Variants in LRRC8B observed in about 807,000 individuals in gnomAD.
The protein encoded by LRRC8B is leucine rich repeat containing 8 VRAC subunit B.
Under a neutral mutation model 58.8 loss-of-function variants are expected in LRRC8B, and 23 were observed. The observed-to-expected ratio is 0.39, with a 90% confidence interval of 0.28 to 0.55. LRRC8B has a LOEUF of 0.55. Ranked by LOEUF, LRRC8B falls within the 20% of genes least tolerant of loss-of-function variation. The pLI, the probability that LRRC8B is intolerant of heterozygous loss-of-function variation, is 0.62. For missense variants in LRRC8B, 694 were observed against 936.0 expected (o/e 0.74, Z 3.37); for synonymous variants, 359 against 374.1 (o/e 0.96, Z 0.47).
At position 89,543,588 on chromosome 1, in the gene LRRC8B, C is replaced by T. The variant is rs887732342; in HGVS notation, c.-241+18566C>T. On this transcript the variant is annotated intron_variant, in intron 1 of 5. Transcript: ENST00000330947. ...TCAGCTCACTGCAACCTCTGCCTCC[C>T]GGGTTCAAGTGATTCTCCTGCCTCA... Among the ~76,000 whole-genome samples the T allele has an allele frequency of 1.4e-4, 21 of 152,050 alleles. No homozygotes were observed. In the East Asian group the frequency reaches 1.5e-3, roughly 11 times the overall value.
chr1:89,549,178 C>T (rs1057274329), intron 1 of LRRC8B, among the ~76,000 whole-genome samples: 4 of 152,240 alleles, frequency 2.6e-5, no homozygotes, highest in Admixed American at 1.3e-4. Context: ...GTACATTAAA[C>T]GGAGACAGAT....
intron 1 of LRRC8B, among the ~76,000 whole-genome samples, chr1:89,538,776 A>G (rs1421494729): frequency 1.3e-5 from 2 of 152,108 alleles, no homozygotes; most frequent in Non-Finnish European, 2.9e-5. Context: ...GCTGGAATGC[A>G]GTGACATGAT....
intron 1 of LRRC8B, among the ~76,000 whole-genome samples, chr1:89,562,917 T>G (rs1462777687): frequency 1.3e-5 from 2 of 152,144 alleles, no homozygotes; most frequent in Non-Finnish European, 2.9e-5. Context: ...CTTAAGTATT[T>G]AGCAGGCAGG....
At chr1:89,539,538 T>A (rs951241607) in intron 1 of LRRC8B, among the ~76,000 whole-genome samples, 1 of 152,180 alleles carries the variant, frequency 6.6e-6, no homozygotes, top group East Asian at 1.9e-4. Flanking sequence ...CAGTCCTTAT[T>A]CTACCCAGGA....
chr1:89,584,073 C>G lies in LRRC8B; in HGVS notation c.1423C>G (p.Leu475Val). ...GGAGCTTCGTGTGTACCATTCATCT[C>G]TGGTCGTAGACCATCCTGCACTGGC... ...LKELRVYHSSLVVDHPALAFL... is the reference protein window; with the variant it reads ...LKELRVYHSSVVVDHPALAFL... Residue 475 changes from leucine to valine, a missense_variant, in exon 5 of 6, where the codon CTG (leucine) becomes GTG (valine). Around this residue, in one of 5 missense-constraint regions of LRRC8B, gnomAD observed 162 missense variants for 198.5 expected, o/e 0.82. Coordinates refer to ENST00000330947, the MANE Select transcript of LRRC8B (RefSeq NM_001369817.2). 6.2e-7 allele frequency: 1 copy of G among 1,614,146 alleles called. No individual in the cohort carries two copies. The highest frequency in any genetic ancestry group is 8.5e-7 in the Non-Finnish European group (1 of 1,180,022).
chr1:89,583,821 G>A lies in LRRC8B; in HGVS notation c.1171G>A (p.Val391Ile). The change falls in exon 5 of 6, where the codon GTC becomes ATC. Residue 391 changes from valine (V) to isoleucine (I), a missense_variant. This residue lies in a region of LRRC8B where 162 missense variants were observed against 198.5 expected (regional missense o/e 0.82). Coordinates refer to ENST00000330947, the MANE Select transcript of LRRC8B (RefSeq NM_001369817.2). The surrounding 1 kb of genome is among the most constrained non-coding windows in gnomAD (Gnocchi z 5.2). ...ACGCTTCTCCATATTCCTATCAGAG[G>A]TCAGTGAGAACAAACTGAAACAGAT... ...SKRFSIFLSE[V>I]SENKLKQINL... is the part of the protein sequence containing the mutation. 6.2e-7 allele frequency: 1 copy of A among 1,614,150 alleles called. No homozygotes were observed.
At position 89,562,592 on chromosome 1, in the gene LRRC8B, C is replaced by T. The variant is rs540781903; in HGVS notation, c.-240-5655C>T. On this transcript the variant is annotated intron_variant, in intron 1 of 5. Coordinates refer to ENST00000330947, the MANE Select transcript of LRRC8B (RefSeq NM_001369817.2). ...GAACTCAAGCAGTCCTGTCTCATCC[C>T]CCTGAGTAGCTGGGAGTACAGGCAG... 3.3e-5 allele frequency among the ~76,000 whole-genome samples: 5 copies of T among 152,120 alleles called. No individual in the cohort carries two copies. The East Asian group carries it at 7.7e-4, about 24-fold the overall frequency.
At position 89,566,825 on chromosome 1, in the gene LRRC8B, T is replaced by C. The variant is rs76312219; in HGVS notation, c.-240-1422T>C. ...TGTTGTTCCTTAATCCTCAGTCACT[T>C]GGGAGCCGTTCCTTATATGTCCTTG... On this transcript the variant is annotated intron_variant, in intron 1 of 5. Coordinates refer to ENST00000330947, the MANE Select transcript of LRRC8B (RefSeq NM_001369817.2). Among the ~76,000 whole-genome samples the C allele has an allele frequency of 7.9e-3, 1,206 of 152,310 alleles. 13 individuals carry two copies. The highest frequency in any genetic ancestry group is 8.3e-3 in the Non-Finnish European group (566 of 68,014).
chr1:89,584,427 A>G lies in LRRC8B; in HGVS notation c.1777A>G (p.Ile593Val), dbSNP rs1321235582. 1 of 1,614,170 alleles carries G rather than the reference A, an allele frequency of 6.2e-7. No homozygotes were observed. The highest frequency in any genetic ancestry group is 2.2e-5 in the East Asian group (1 of 44,880). ...KMVNLKSLEL[I>V]SCDLERIPHS... ...GGTCAATCTGAAAAGCCTAGAACTGATCAGCTGTGACCTGGAACGCATCCC... is the reference window on the plus strand; with the variant it reads ...GGTCAATCTGAAAAGCCTAGAACTGGTCAGCTGTGACCTGGAACGCATCCC... Residue 593 changes from isoleucine (I) to valine (V), a missense_variant, in exon 5 of 6, where the codon ATC (isoleucine) becomes GTC (valine). Coordinates refer to ENST00000330947, the MANE Select transcript of LRRC8B (RefSeq NM_001369817.2).
chr1:89,549,071 A>T (rs1033667116), intron 1 of LRRC8B, among the ~76,000 whole-genome samples: 1 of 152,218 alleles, frequency 6.6e-6, no homozygotes, highest in Non-Finnish European at 1.5e-5. Context: ...GGGCTAGGTG[A>T]TGGGATACCA....
intron 1 of LRRC8B, among the ~76,000 whole-genome samples, chr1:89,536,899 T>C (rs1451607690): frequency 6.6e-6 from 1 of 152,198 alleles, no homozygotes; most frequent in African/African-American, 2.4e-5. Flanking sequence ...ATTATAGATA[T>C]ACTTGAAGGT....
chr1:89,542,872 C>T (rs1390275381), intron 1 of LRRC8B, among the ~76,000 whole-genome samples: 1 of 152,168 alleles, frequency 6.6e-6, no homozygotes, highest in African/African-American at 2.4e-5. Flanking sequence ...GCCTATGTGT[C>T]CTCACACTAG....
intron 3 of LRRC8B, among the ~76,000 whole-genome samples, chr1:89,576,592 T>G (rs1016271886): frequency 4.6e-5 from 7 of 152,158 alleles, no homozygotes; most frequent in African/African-American, 1.7e-4. Context: ...GCAATGCAAT[T>G]CTTGAGACCT....
At chr1:89,525,562 G>T (rs558034133) in intron 1 of LRRC8B, among the ~76,000 whole-genome samples, 1 of 152,200 alleles carries the variant, frequency 6.6e-6, no homozygotes, top group Admixed American at 6.5e-5. Context: ...TTTGGTGGTG[G>T]TGTTGGGCGT....
At chr1:89,573,450 C>T (rs565136167) in intron 3 of LRRC8B, among the ~76,000 whole-genome samples, 26 of 151,862 alleles carry the variant, frequency 1.7e-4, no homozygotes, top group Non-Finnish European at 3.7e-4. Context: ...ATAACTTTCT[C>T]CAAGGGCTTC....
At chr1:89,537,653 A>G (rs1285805927) in intron 1 of LRRC8B, among the ~76,000 whole-genome samples, 1 of 151,816 alleles carries the variant, frequency 6.6e-6, no homozygotes. Context: ...TTGTATTTTT[A>G]CTAGAGACAG....
intron 3 of LRRC8B, among the ~76,000 whole-genome samples, chr1:89,576,511 T>A (rs1024485967): frequency 6.6e-6 from 1 of 152,204 alleles, no homozygotes; most frequent in African/African-American, 2.4e-5. Flanking sequence ...TGAGAATCAC[T>A]GTCTTAGGTT....
At position 89,540,628 on chromosome 1, in the gene LRRC8B, T is replaced by TA. The variant is rs1650892405; in HGVS notation, c.-241+15607dup. On this transcript the variant is annotated intron_variant, in intron 1 of 5. Coordinates refer to ENST00000330947, the MANE Select transcript of LRRC8B (RefSeq NM_001369817.2). ...CCTCTGCCAGGGGTGAGCTTGGAGATACATTTATATCTCTATACAAAGCAT... is the reference window on the plus strand; with the variant it reads ...CCTCTGCCAGGGGTGAGCTTGGAGATAACATTTATATCTCTATACAAAGCAT... Among the ~76,000 whole-genome samples, 8 of 152,280 alleles carry TA rather than the reference T, an allele frequency of 5.3e-5. No individual in the cohort carries two copies. The South Asian group carries it at 1.7e-3, about 32-fold the overall frequency.
chr1:89,534,768 A>G (rs1272060458), intron 1 of LRRC8B, among the ~76,000 whole-genome samples: 2 of 152,178 alleles, frequency 1.3e-5, no homozygotes, highest in Non-Finnish European at 2.9e-5. Context: ...TAAACCCCTG[A>G]GTTATATGCC....
Sources: allele counts gnomAD v4.1 joint callset (sites outside exome capture counted in the v4.1 genomes callset), GRCh38; gene constraint gnomAD v4.1.1; regional missense constraint gnomAD v4.1.1; non-coding constraint Gnocchi (gnomAD v3.1); transcripts MANE v1.5; gene names NCBI Gene and HGNC (gene_info 2026-07-23, HGNC 2026-07-21).